The following C12orf42 variants were observed in gnomAD, a reference collection of about 807,000 sequenced individuals.
The protein encoded by C12orf42 is uncharacterized protein C12orf42.
Under a neutral mutation model 21.6 loss-of-function variants are expected in C12orf42, and 25 were observed. The ratio of observed to expected loss-of-function variants is 1.16; its 90% confidence interval spans 0.84 to 1.62. The LOEUF (loss-of-function observed/expected upper bound fraction) is 1.62, where lower values mean the gene tolerates loss of function less well. Ranked by LOEUF, C12orf42 falls within the 40% of genes most tolerant of loss-of-function variation. The pLI is 0.00. For synonymous variants in C12orf42, 174 were observed against 175.0 expected, an observed-to-expected ratio of 0.99 and a Z score of 0.05; for missense variants, 483 against 459.3, an observed-to-expected ratio of 1.05 and a Z score of -0.47.
At chr12:103,222,108 CA>C in the C12orf42 span, among the ~76,000 whole-genome samples, 1 of 152,114 alleles carries the variant, frequency 6.6e-6, no homozygotes, top group Non-Finnish European at 1.5e-5. Flanking sequence ...CAGCAGCCAC[CA>C]TGTTTTTCAT....
the C12orf42 span, among the ~76,000 whole-genome samples, chr12:103,057,180 C>CT: frequency 2.0e-3 from 272 of 138,544 alleles, no homozygotes; most frequent in Middle Eastern, 3.7e-3. Flanking sequence ...AACAGCACAT[C>CT]TTTTTTTTTT....
the C12orf42 span, among the ~76,000 whole-genome samples, chr12:103,545,854 T>C: frequency 6.6e-6 from 1 of 152,198 alleles, no homozygotes; most frequent in Non-Finnish European, 1.5e-5. Context: ...AACCTTGGAA[T>C]TATTTCCTCT....
At chr12:103,354,778 A>G (rs1196315870) in intron 4 of C12orf42, among the ~76,000 whole-genome samples, 1 of 152,066 alleles carries the variant, frequency 6.6e-6, no homozygotes, top group East Asian at 1.9e-4. Context: ...GGCTGGTCTC[A>G]AATTCCTGGG....
chr12:103,167,828 G>A, the C12orf42 span, among the ~76,000 whole-genome samples: 1 of 151,694 alleles, frequency 6.6e-6, no homozygotes, highest in Admixed American at 6.6e-5. Flanking sequence ...GAGGTAAAAA[G>A]TAAGCTAGAA....
chr12:103,091,010 A>G, the C12orf42 span, among the ~76,000 whole-genome samples: 1 of 151,964 alleles, frequency 6.6e-6, no homozygotes, highest in African/African-American at 2.4e-5. Context: ...CAAAAAAACC[A>G]CTTGCTTCCT....
At chr12:103,318,662 T>C (rs531265685) in intron 4 of C12orf42, among the ~76,000 whole-genome samples, 2 of 152,316 alleles carry the variant, frequency 1.3e-5, no homozygotes, top group East Asian at 3.9e-4. Flanking sequence ...ACTGTATAAT[T>C]GTGGGCTGAG....
chr12:103,097,727 A>G, the C12orf42 span, among the ~76,000 whole-genome samples: 1 of 152,234 alleles, frequency 6.6e-6, no homozygotes, highest in Admixed American at 6.5e-5. Flanking sequence ...AGATAGAGGA[A>G]AGACAGGTAA....
chr12:103,083,630 T>A, the C12orf42 span, among the ~76,000 whole-genome samples: 1 of 152,226 alleles, frequency 6.6e-6, no homozygotes, highest in Non-Finnish European at 1.5e-5. Context: ...GCTCTTTAGA[T>A]GGACAAAATT....
chr12:103,106,048 G>A, the C12orf42 span, among the ~76,000 whole-genome samples: 3 of 152,066 alleles, frequency 2.0e-5, no homozygotes, highest in Non-Finnish European at 4.4e-5. Context: ...CGCTGAAAAC[G>A]GTGAATCCAT....
At chr12:103,178,549 T>C in the C12orf42 span, 1 of 152,170 alleles carries the variant, frequency 6.6e-6, no homozygotes. Flanking sequence ...CTGTCTTGTT[T>C]GGGTGGTTGT....
chr12:103,209,483 ATG>A, the C12orf42 span, among the ~76,000 whole-genome samples: 2 of 152,190 alleles, frequency 1.3e-5, no homozygotes, highest in African/African-American at 4.8e-5. Context: ...CTCTTTGTTA[ATG>A]TGTGTTACAC....
the C12orf42 span, among the ~76,000 whole-genome samples, chr12:103,164,071 G>C: frequency 1.8e-4 from 27 of 152,164 alleles, no homozygotes; most frequent in African/African-American, 6.3e-4. Context: ...AGTGTTGTAT[G>C]CTCTGTGCTA....
At chr12:103,116,915 A>T in the C12orf42 span, among the ~76,000 whole-genome samples, 1 of 152,204 alleles carries the variant, frequency 6.6e-6, no homozygotes, top group African/African-American at 2.4e-5. Flanking sequence ...CTTTTAATTG[A>T]CATATGATAA....
the C12orf42 span, chr12:103,168,070 A>ACAT: frequency 2.2e-6 from 1 of 455,972 alleles, no homozygotes; most frequent in Non-Finnish European, 4.4e-6. Context: ...AGAAATGATT[A>ACAT]CATTATTGTG....
At chr12:103,505,058 G>A in the C12orf42 span, 1 of 316,094 alleles carries the variant, frequency 3.2e-6, no homozygotes, top group Admixed American at 3.2e-5. Context: ...GGAAGTGAGA[G>A]ACACTGATTT....
rs141494313 is a variant in C12orf42, at chr12:103,312,593, C to T, written c.260-6248G>A. Among the ~76,000 whole-genome samples, 860 of 152,328 alleles carry T rather than the reference C, an allele frequency of 5.6e-3. 3 individuals carry two copies. The highest frequency in any genetic ancestry group is 0.02 in the African/African-American group (814 of 41,562). ...AACCGTGTCCTCCAGCTTCCTCAGG[C>T]TACTGAGGCAAGGGCACAACTTTTC... On this transcript the variant is annotated intron_variant, in intron 4 of 5. Transcript: ENST00000548883.
intron 1 of C12orf42, among the ~76,000 whole-genome samples, chr12:103,491,688 A>T (rs9971679): frequency 6.6e-6 from 1 of 152,184 alleles, no homozygotes; most frequent in Non-Finnish European, 1.5e-5. Context: ...AGATCCTCCA[A>T]TGTAATTTGT....
At chr12:103,540,155 A>C in the C12orf42 span, among the ~76,000 whole-genome samples, 1 of 151,134 alleles carries the variant, frequency 6.6e-6, no homozygotes, top group Non-Finnish European at 1.5e-5. Context: ...TTACAGGCAC[A>C]TGCCACCATG....
chr12:103,259,060 T>C (rs1768293840), intron 10 of C12orf42, among the ~76,000 whole-genome samples: 1 of 152,174 alleles, frequency 6.6e-6, no homozygotes, highest in African/African-American at 2.4e-5. Context: ...AAGTTGTTCT[T>C]GGTACATGGA....
Sources: gnomAD v4.1 joint callset for allele counts (sites outside exome capture counted in the v4.1 genomes callset) on GRCh38, gnomAD v4.1.1 for gene constraint, MANE v1.5 for transcripts, NCBI Gene and HGNC (gene_info 2026-07-23, HGNC 2026-07-21) for gene names.